The following AS3MT variants were observed in gnomAD, a reference collection of about 807,000 sequenced individuals.
AS3MT encodes the protein S-adenosyl-L-methionine:arsenic(III) methyltransferase.
In AS3MT, 47 loss-of-function variants were observed where a neutral mutation model predicts 45.3. That is an observed-to-expected ratio of 1.04 (90% confidence interval 0.82 to 1.32). The LOEUF (loss-of-function observed/expected upper bound fraction) is 1.32. Ranked by LOEUF, AS3MT falls within the 40% of genes most tolerant of loss-of-function variation. The pLI is 0.00. For synonymous variants in AS3MT, 141 were observed against 152.8 expected, an observed-to-expected ratio of 0.92 and a Z score of 0.57; for missense variants, 396 against 451.1, an observed-to-expected ratio of 0.88 and a Z score of 1.11.
chr10:102,877,373 TC>T (rs1266370420), intron 7 of AS3MT, among the ~76,000 whole-genome samples: 1 of 152,176 alleles, frequency 6.6e-6, no homozygotes, highest in African/African-American at 2.4e-5. Flanking sequence ...GTCCTCTTAG[TC>T]CCCTTATGTT....
At chr10:102,883,980 C>CTTTTTTT (rs35305641) in intron 9 of AS3MT, among the ~76,000 whole-genome samples, 1 of 129,434 alleles carries the variant, frequency 7.7e-6, no homozygotes, top group Non-Finnish European at 1.6e-5. Flanking sequence ...TTCTTTATTT[C>CTTTTTTT]TTTTTTTTTT....
chr10:102,875,432 G>C (rs913615103), intron 6 of AS3MT, among the ~76,000 whole-genome samples: 2 of 143,740 alleles, frequency 1.4e-5, no homozygotes, highest in Non-Finnish European at 3.0e-5. Flanking sequence ...AGCCAGGATC[G>C]TGCCACTGCA....
intron 3 of AS3MT, 130 bp downstream of exon 3, chr10:102,870,341 C>G (rs999234265): frequency 8.0e-7 from 1 of 1,243,460 alleles, no homozygotes; most frequent in African/African-American, 1.5e-5. Context: ...TGTAAAAATC[C>G]TAAATCTCAG....
At position 102,869,543 on chromosome 10, in the gene AS3MT, CAGG is replaced by C; in HGVS notation, c.-49_-47del. On this transcript the variant is annotated 5_prime_UTR_variant, in exon 1 of 11. Transcript: ENST00000369880. ...GACAGTGAGTGCGCGCCCTGAGTCG[CAGG>C]CCGAGGAGACAGTGAGTGCGCGCCC... 2 of 1,524,582 alleles carry C rather than the reference CAGG, an allele frequency of 1.3e-6. No individual in the cohort carries two copies. Among genetic ancestry groups the C allele is most frequent in the Non-Finnish European group, 1.8e-6 (2 of 1,139,140 alleles). The allele number at this position is 1,524,582 out of a possible 1,614,324, so 94.4% of individuals were successfully genotyped here.
In AS3MT at chr10:102,878,875, T is replaced by C. The variant is rs1158289545; in HGVS notation, c.769T>C (p.Phe257Leu). Reference protein sequence around the residue: ...IGDCRFVSATFRLFKHSKTGP... With the variant: ...IGDCRFVSATLRLFKHSKTGP... Reference sequence around the variant, plus strand: ...TGACTGTCGTTTTGTTTCTGCAACATTTCGCCTCTTCAAACACTCTAAGAC... The same window carrying C: ...TGACTGTCGTTTTGTTTCTGCAACACTTCGCCTCTTCAAACACTCTAAGAC... The change falls in exon 9 of 11, where the codon TTT becomes CTT. Residue 257 changes from phenylalanine (F) to leucine (L), a missense_variant. By Grantham distance (22) the Phe-to-Leu change is conservative. Coordinates refer to ENST00000369880, the MANE Select transcript of AS3MT (RefSeq NM_020682.4). 1 of 1,613,222 alleles carries C rather than the reference T, an allele frequency of 6.2e-7. No individual in the cohort carries two copies. The highest frequency in any genetic ancestry group is 1.3e-5 in the African/African-American group (1 of 74,988).
intron 2 of AS3MT, 92 bp from the exon 3 acceptor site, chr10:102,869,992 A>C (rs1844650786): frequency 6.4e-7 from 1 of 1,570,670 alleles, no homozygotes; most frequent in Non-Finnish European, 8.7e-7. Flanking sequence ...AGGTCGGCCA[A>C]GTGGAGGTGG....
intron 10 of AS3MT, among the ~76,000 whole-genome samples, chr10:102,897,668 G>A (rs1845199804): frequency 6.6e-6 from 1 of 152,064 alleles, no homozygotes; most frequent in African/African-American, 2.4e-5. Context: ...GTTTCACCGG[G>A]TTGCCCAGGC....
chr10:102,883,313 C>T (rs1007626611), intron 9 of AS3MT, among the ~76,000 whole-genome samples: 1 of 150,916 alleles, frequency 6.6e-6, no homozygotes, highest in Non-Finnish European at 1.5e-5. Context: ...GTTGGCCAGG[C>T]TGGTCTTAAA....
chr10:102,879,436 C>T (rs978945670), intron 9 of AS3MT, among the ~76,000 whole-genome samples: 7 of 151,920 alleles, frequency 4.6e-5, no homozygotes, highest in African/African-American at 9.7e-5. Context: ...GGATTACAGG[C>T]GTGAACCACC....
At chr10:102,879,017 C>G (rs1266720022) in intron 9 of AS3MT, 26 bp downstream of exon 9, 3 of 1,602,674 alleles carry the variant, frequency 1.9e-6, no homozygotes, top group Non-Finnish European at 2.6e-6. Context: ...TCCATGACTT[C>G]TGGTATTCTT....
rs373467176 is a variant in AS3MT, at chr10:102,890,632, G to A, written c.974G>A (p.Gly325Glu). The A allele has an allele frequency of 1.2e-6, 2 of 1,613,496 alleles. No homozygotes were observed. Among genetic ancestry groups the A allele is most frequent in the East Asian group, 2.2e-5 (1 of 44,848 alleles). ...FAQDFLIRPIGEKLPTSGGCS... is the reference protein window; with the variant it reads ...FAQDFLIRPIEEKLPTSGGCS... ...CAAGATTTTCTGATCAGACCAATTG[G>A]AGAGAAGTTGCCAACATCTGGAGGC... The change falls in exon 10 of 11, where the codon GGA becomes GAA. Residue 325 changes from glycine (G) to glutamate (E), a missense_variant. By Grantham distance (98) the Gly-to-Glu change is moderately conservative. Coordinates refer to ENST00000369880, the MANE Select transcript of AS3MT (RefSeq NM_020682.4).
At chr10:102,879,625 C>G (rs918757793) in intron 9 of AS3MT, among the ~76,000 whole-genome samples, 1 of 151,470 alleles carries the variant, frequency 6.6e-6, no homozygotes, top group Non-Finnish European at 1.5e-5. Context: ...AAAAATTAGC[C>G]GGGCGTGGTG....
chr10:102,870,021 C>A, intron 2 of AS3MT, 63 bp from the exon 3 acceptor site: 1 of 1,580,752 alleles, frequency 6.3e-7, no homozygotes. Flanking sequence ...ACGGAGCCCT[C>A]GCGCTGCAGT....
Position 102,881,492 on chromosome 10 carries a change from G to A in AS3MT, c.885+2501G>A, listed in dbSNP as rs1417224453. Among the ~76,000 whole-genome samples the A allele has an allele frequency of 1.3e-5, 2 of 152,124 alleles. No homozygotes were observed. Among genetic ancestry groups the A allele is most frequent in the Admixed American group, 6.6e-5 (1 of 15,262 alleles). ...TACTGAGGAACACAGAATTGTATAT[G>A]TTTTCTGGCTCTATTATTTATTACT... is the stretch of plus-strand genomic sequence containing the variant. On this transcript the variant is annotated intron_variant, in intron 9 of 10. Coordinates refer to ENST00000369880, the MANE Select transcript of AS3MT (RefSeq NM_020682.4). The surrounding 1 kb of genome is among the most constrained non-coding windows in gnomAD (Gnocchi z 4.2).
At chr10:102,883,908 A>G (rs191661299) in intron 9 of AS3MT, among the ~76,000 whole-genome samples, 14 of 151,900 alleles carry the variant, frequency 9.2e-5, no homozygotes, top group Admixed American at 9.2e-4. Context: ...CATACTCACC[A>G]TTTATTTGTG....
intron 9 of AS3MT, among the ~76,000 whole-genome samples, chr10:102,880,084 A>G (rs576328077): frequency 2.4e-3 from 371 of 152,330 alleles, no homozygotes; most frequent in Non-Finnish European, 4.1e-3. Context: ...TAATAGGGCT[A>G]TAGAGAAGTA....
At chr10:102,879,153 T>A (rs1391222594) in intron 9 of AS3MT, among the ~76,000 whole-genome samples, 162 bp downstream of exon 9, 2 of 152,038 alleles carry the variant, frequency 1.3e-5, no homozygotes, top group African/African-American at 4.8e-5. Flanking sequence ...AAAAAAGCAT[T>A]TTTTCCCCAA....
chr10:102,869,741 C>A, intron 1 of AS3MT, 64 bp from the exon 2 acceptor site: 1 of 1,612,012 alleles, frequency 6.2e-7, no homozygotes, highest in Admixed American at 1.7e-5. Context: ...CCTTTACTGG[C>A]CCCCTCCCTC....
chr10:102,877,545 A>G (rs1844801138), intron 7 of AS3MT, among the ~76,000 whole-genome samples: 1 of 145,802 alleles, frequency 6.9e-6, no homozygotes. Context: ...TACCGTTAAC[A>G]AGTTGGAAAG....
Sources: gnomAD v4.1 joint callset for allele counts (sites outside exome capture counted in the v4.1 genomes callset) on GRCh38, gnomAD v4.1.1 for gene constraint, Gnocchi (gnomAD v3.1) non-coding constraint, MANE v1.5 for transcripts, NCBI Gene and HGNC (gene_info 2026-07-23, HGNC 2026-07-21) for gene names.